The following ME3 variants were observed in gnomAD, a reference collection of about 807,000 sequenced individuals.
The protein encoded by ME3 is NADP-dependent malic enzyme, mitochondrial.
Under a neutral mutation model 68.9 loss-of-function variants are expected in ME3, and 48 were observed. That is an observed-to-expected ratio of 0.70 (90% confidence interval 0.55 to 0.89). The LOEUF is 0.89. Ranked by LOEUF, ME3 falls within the 40% of genes least tolerant of loss-of-function variation. The probability of loss-of-function intolerance (pLI) is 0.00; values close to 1 mark genes in which losing one functional copy is unlikely to be tolerated. For missense variants in ME3, 675 were observed against 797.4 expected, an observed-to-expected ratio of 0.85 and a Z score of 1.85; for synonymous variants, 320 against 318.8, an observed-to-expected ratio of 1.00 and a Z score of -0.04.
chr11:86,578,132 A>G (rs919626570), intron 2 of ME3, among the ~76,000 whole-genome samples: 5 of 152,180 alleles, frequency 3.3e-5, no homozygotes. Flanking sequence ...AAAGATTATG[A>G]ATCACTCTCT....
intron 2 of ME3, among the ~76,000 whole-genome samples, chr11:86,580,235 G>A (rs1314405488): frequency 6.6e-6 from 1 of 152,150 alleles, no homozygotes; most frequent in African/African-American, 2.4e-5. Context: ...GACCCTGAAG[G>A]AAGCGATGTT....
At chr11:86,526,140 G>A (rs185692161) in intron 4 of ME3, among the ~76,000 whole-genome samples, 32 of 152,312 alleles carry the variant, frequency 2.1e-4, no homozygotes, top group African/African-American at 6.3e-4. Context: ...GGTGACAGAC[G>A]GCACCTGGAA....
intron 2 of ME3, among the ~76,000 whole-genome samples, chr11:86,635,913 G>C (rs545237503): frequency 2.6e-5 from 4 of 152,202 alleles, no homozygotes; most frequent in Non-Finnish European, 5.9e-5. Context: ...AAATGGCAGA[G>C]CCAGAACTGG....
exon 6 of ME3, chr11:86,497,980 C>T (rs200934435): frequency 1.9e-5 from 30 of 1,603,378 alleles, no homozygotes; most frequent in South Asian, 5.6e-5. Flanking sequence ...TTGGTGCCGA[C>T]GTCCAGCAGC....
chr11:86,464,989 C>A (rs950553324), intron 8 of ME3, 102 bp downstream of exon 8: 2 of 899,262 alleles, frequency 2.2e-6, no homozygotes, highest in Non-Finnish European at 3.6e-6. Context: ...GGCAGCAAAC[C>A]AACTATGGGG....
rs142449604 is a variant in ME3 at position 86,639,565 on chromosome 11, C to A, written c.183+32197G>T. On this transcript the variant is annotated intron_variant, in intron 2 of 14. Transcript: ENST00000543262. ...AGGATACCCTTGTGTGGTGGTGCCT[C>A]TCCTAGAATCCTGGATCTGAGCTTT... Among the ~76,000 whole-genome samples, 13 of 141,382 alleles carry A rather than the reference C, an allele frequency of 9.2e-5. No individual in the cohort carries two copies. In the East Asian group the frequency reaches 2.5e-3, roughly 27 times the overall value. The allele number at this position is 141,382 out of a possible 152,430, so 92.8% of individuals were successfully genotyped here.
At chr11:86,634,214 G>A (rs895039101) in intron 2 of ME3, among the ~76,000 whole-genome samples, 3 of 152,208 alleles carry the variant, frequency 2.0e-5, no homozygotes, top group African/African-American at 7.2e-5. Context: ...TCAGTCAGAA[G>A]TGGGGGCCCT....
intron 2 of ME3, among the ~76,000 whole-genome samples, chr11:86,658,996 C>T (rs1240585524): frequency 1.3e-5 from 2 of 152,120 alleles, no homozygotes; most frequent in Non-Finnish European, 2.9e-5. Flanking sequence ...AAATCTACTG[C>T]CTAGAATAGA....
At chr11:86,544,036 A>T (rs1192056048) in intron 4 of ME3, among the ~76,000 whole-genome samples, 3 of 149,660 alleles carry the variant, frequency 2.0e-5, no homozygotes, top group African/African-American at 7.4e-5. Flanking sequence ...TAAACTGAAC[A>T]AACTACTCCT....
chr11:86,647,159 C>A (rs2135411059), intron 2 of ME3, among the ~76,000 whole-genome samples: 1 of 152,246 alleles, frequency 6.6e-6, no homozygotes, highest in Non-Finnish European at 1.5e-5. Flanking sequence ...GGCAAAATAA[C>A]CAGCTAGCAT....
intron 4 of ME3, among the ~76,000 whole-genome samples, chr11:86,539,490 T>C (rs1955902508): frequency 6.6e-6 from 1 of 152,204 alleles, no homozygotes; most frequent in Admixed American, 6.5e-5. Context: ...CATCAATGAA[T>C]ATCCTTATTT....
At chr11:86,581,103 C>A (rs535723266) in intron 2 of ME3, among the ~76,000 whole-genome samples, 1 of 152,042 alleles carries the variant, frequency 6.6e-6, no homozygotes, top group African/African-American at 2.4e-5. Flanking sequence ...CAACTCTGGC[C>A]GTGAAATAGT....
chr11:86,439,400 G>A (rs1442319495), downstream of ME3, among the ~76,000 whole-genome samples: 1 of 152,108 alleles, frequency 6.6e-6, no homozygotes, highest in Non-Finnish European at 1.5e-5. Context: ...CCAATATTTT[G>A]GAATTTCCCA....
At chr11:86,546,397 A>C (rs1017278429) in intron 4 of ME3, among the ~76,000 whole-genome samples, 1 of 152,186 alleles carries the variant, frequency 6.6e-6, no homozygotes, top group African/African-American at 2.4e-5. Flanking sequence ...ATGGGAGAAA[A>C]ATTTTGCAAT....
intron 7 of ME3, among the ~76,000 whole-genome samples, chr11:86,482,686 C>G (rs1951479889): frequency 6.6e-6 from 1 of 151,612 alleles, no homozygotes; most frequent in African/African-American, 2.4e-5. Flanking sequence ...AGCTTCCACT[C>G]TTGTGTTCTT....
At chr11:86,446,361 C>T (rs150877367) in exon 13 of ME3, 44 of 1,614,064 alleles carry the variant, frequency 2.7e-5, no homozygotes, top group East Asian at 4.5e-5. Flanking sequence ...CGGATCCCGC[C>T]GGCGATGACT....
chr11:86,484,669 C>G (rs1951591868), intron 7 of ME3, among the ~76,000 whole-genome samples: 1 of 152,206 alleles, frequency 6.6e-6, no homozygotes, highest in East Asian at 1.9e-4. Context: ...AGAATGATTA[C>G]TGACTCATTA....
intron 2 of ME3, among the ~76,000 whole-genome samples, chr11:86,589,219 A>T (rs138813215): frequency 1.9e-3 from 282 of 152,168 alleles, no homozygotes; most frequent in Middle Eastern, 0.01. Flanking sequence ...GATTTACTGC[A>T]AGTGTTTGTT....
At chr11:86,566,360 C>T (rs1957479952) in intron 2 of ME3, among the ~76,000 whole-genome samples, 1 of 152,198 alleles carries the variant, frequency 6.6e-6, no homozygotes. Flanking sequence ...TGTTGACAGG[C>T]AGCTTCCCCC....
Sources: gnomAD v4.1 joint callset for allele counts (sites outside exome capture counted in the v4.1 genomes callset) on GRCh38, gnomAD v4.1.1 for gene constraint, MANE v1.5 for transcripts, NCBI Gene and HGNC (gene_info 2026-07-23, HGNC 2026-07-21) for gene names.